SLC25A53: variants seen among roughly 807,000 people sequenced by gnomAD.
SLC25A53 encodes solute carrier family 25 member 53.
In SLC25A53, 5 loss-of-function variants were observed where a neutral mutation model predicts 15.0. The ratio of observed to expected loss-of-function variants is 0.33; its 90% CI spans 0.17 to 0.70. SLC25A53 has a LOEUF of 0.70. Among genes scored for constraint, SLC25A53 ranks in the 30% least tolerant of loss-of-function variants. The pLI, the probability that SLC25A53 is intolerant of heterozygous loss-of-function variation, is 0.67. For synonymous variants in SLC25A53, 95 were observed against 100.0 expected, an observed-to-expected ratio of 0.95 and a Z score of 0.30; for missense variants, 216 against 241.6, an observed-to-expected ratio of 0.89 and a Z score of 0.70.
At chrX:104,112,870 G>C (rs1238943373) in intron 1 of SLC25A53, 7 of 112,447 alleles carry the variant, frequency 6.2e-5, no homozygotes, top group African/African-American at 2.3e-4. Flanking sequence ...ACTGGGCGGC[G>C]CCCGGCTTGG....
Position 104,104,624 on chromosome X carries a change from C to T in SLC25A53, c.634G>A (p.Val212Ile). The T allele has an allele frequency of 8.3e-7, 1 of 1,211,734 alleles. No individual in the cohort carries two copies. Among genetic ancestry groups the T allele is most frequent in the Non-Finnish European group, 1.1e-6 (1 of 895,524 alleles). The change falls in exon 2 of 2, where the codon GTT becomes ATT. Residue 212 changes from valine (V) to isoleucine (I), a missense_variant. By Grantham distance (29) the Val-to-Ile change is conservative (BLOSUM62 3). Coordinates refer to ENST00000594199, the MANE Select transcript of SLC25A53 (RefSeq NM_001012755.5). ...GLAEQGLPHW[V>I]PALVSGSVNG... The stretch of plus-strand genomic sequence containing the variant: ...ACACTACCAGACACCAAGGCAGGAA[C>T]CCAGTGGGGCAGGCCTTGCTCTGCC...
At chrX:104,128,383 C>T (rs1329968420) in intron 1 of SLC25A53, among the ~76,000 whole-genome samples, 3 of 111,441 alleles carry the variant, frequency 2.7e-5, no homozygotes, top group African/African-American at 6.5e-5. Context: ...CACTGATTAT[C>T]GTAAATAAAA....
intron 1 of SLC25A53, among the ~76,000 whole-genome samples, chrX:104,121,892 T>TC (rs1202061091): frequency 0.03 from 541 of 17,872 alleles, 57 homozygotes; most frequent in South Asian, 0.058. Flanking sequence ...TATATATATA[T>TC]ATATATATAT....
At chrX:104,148,412 C>T (rs782447346) in intron 1 of SLC25A53, among the ~76,000 whole-genome samples, 4 of 107,049 alleles carry the variant, frequency 3.7e-5, no homozygotes, top group East Asian at 6.0e-4. Context: ...GTAACAAACC[C>T]GCACGTTGTG....
intron 1 of SLC25A53, among the ~76,000 whole-genome samples, chrX:104,109,616 T>C (rs2147864231): frequency 8.9e-6 from 1 of 112,320 alleles, no homozygotes; most frequent in South Asian, 3.7e-4. Flanking sequence ...GGACTGCTTG[T>C]TTGGAAGGCA....
At chrX:104,126,945 T>C (rs1556364516) in intron 1 of SLC25A53, among the ~76,000 whole-genome samples, 1 of 112,436 alleles carries the variant, frequency 8.9e-6, no homozygotes, top group African/African-American at 3.2e-5. Context: ...ATTCTGGCAA[T>C]TTCCTATGAG....
At position 104,111,279 on chromosome X, in the gene SLC25A53, C is replaced by T. The variant is rs781892253; in HGVS notation, c.-31-5991G>A. Among the ~76,000 whole-genome samples, 4 of 111,837 alleles carry T rather than the reference C, an allele frequency of 3.6e-5. No homozygotes were observed. The South Asian group carries it at 1.5e-3, about 42-fold the overall frequency. ...CCCAATAATCTACATTTATAACAAG[C>T]TCTCCAAAATGATTCTGAGGCAGCT... On this transcript the variant is annotated intron_variant, in intron 1 of 1. Coordinates refer to ENST00000594199, the MANE Select transcript of SLC25A53 (RefSeq NM_001012755.5).
chrX:104,110,654 A>G (rs1200727019), intron 1 of SLC25A53, among the ~76,000 whole-genome samples: 1 of 112,033 alleles, frequency 8.9e-6, no homozygotes, highest in African/African-American at 3.2e-5. Context: ...GTCAGGGAAA[A>G]ATGGAGCAGG....
At chrX:104,130,859 T>G (rs1436174208) in intron 1 of SLC25A53, 2 of 111,863 alleles carry the variant, frequency 1.8e-5, no homozygotes, top group Non-Finnish European at 3.8e-5. Context: ...GCATGTATGG[T>G]TTCCACTACT....
At chrX:104,146,474 G>A (rs1183847253) in intron 1 of SLC25A53, among the ~76,000 whole-genome samples, 2 of 111,241 alleles carry the variant, frequency 1.8e-5, no homozygotes, top group Admixed American at 9.6e-5. Flanking sequence ...GGCAGGAGAA[G>A]GAAATAAAGG....
At chrX:104,113,874 A>T in intron 1 of SLC25A53, 1 of 422,179 alleles carries the variant, frequency 2.4e-6, no homozygotes, top group Non-Finnish European at 4.0e-6. Flanking sequence ...GGGTATTGTT[A>T]AGGCACTGGG....
rs1344999286 is a variant in SLC25A53 at position 104,153,925 on chromosome X, G to A, written c.-32+2953C>T. Among the ~76,000 whole-genome samples the A allele has an allele frequency of 3.6e-5, 4 of 112,053 alleles. 1 individual carries two copies. The East Asian group carries it at 1.1e-3, about 32-fold the overall frequency. On this transcript the variant is annotated intron_variant, in intron 1 of 1. Transcript: ENST00000594199. The stretch of plus-strand genomic sequence containing the variant: ...CTAGGGAAGAAACTACAGGACACTG[G>A]TCTGGGCAATGAATTTTGGGGTTTG...
intron 1 of SLC25A53, among the ~76,000 whole-genome samples, chrX:104,120,115 T>TTAC (rs1236240241): frequency 8.0e-5 from 9 of 112,201 alleles, no homozygotes; most frequent in Non-Finnish European, 1.5e-4. Flanking sequence ...AATTATCCTT[T>TTAC]TACTGTCGGT....
intron 1 of SLC25A53, chrX:104,112,682 C>T (rs1428469759): frequency 1.8e-5 from 2 of 113,444 alleles, no homozygotes; most frequent in African/African-American, 6.4e-5. Flanking sequence ...CGGGCAGCCC[C>T]GGGTCGCTTA....
chrX:104,135,038 C>T (rs1164979287), intron 1 of SLC25A53, among the ~76,000 whole-genome samples: 1 of 111,260 alleles, frequency 9.0e-6, no homozygotes, highest in Non-Finnish European at 1.9e-5. Flanking sequence ...TCCTACCTGC[C>T]TCTAAAGTAC....
In SLC25A53 at chrX:104,104,878, A is replaced by G; in HGVS notation, c.380T>C (p.Val127Ala). 4 of 1,211,972 alleles carry G rather than the reference A, an allele frequency of 3.3e-6. No individual in the cohort carries two copies. Among genetic ancestry groups the G allele is most frequent in the Non-Finnish European group, 4.5e-6 (4 of 895,588 alleles). The change falls in exon 2 of 2, where the codon GTG (valine) becomes GCG (alanine). Residue 127 changes from valine (V) to alanine (A), a missense_variant. Coordinates refer to ENST00000594199, the MANE Select transcript of SLC25A53 (RefSeq NM_001012755.5). ...RWAAGLMSGV[V>A]EAVALSPFER... is the part of the protein sequence containing the mutation. ...AAAGGGGCTGAGTGCCACGGCCTCC[A>G]CCACGCCAGACATGAGCCCGGCAGC...
chrX:104,111,265 A>G (rs782817099), intron 1 of SLC25A53, among the ~76,000 whole-genome samples: 3 of 111,923 alleles, frequency 2.7e-5, no homozygotes, highest in Admixed American at 9.5e-5. Context: ...CCAATAATCT[A>G]CATTTATAAC....
At chrX:104,125,303 G>A (rs1556364038) in intron 1 of SLC25A53, among the ~76,000 whole-genome samples, 1 of 111,301 alleles carries the variant, frequency 9.0e-6, no homozygotes, top group East Asian at 2.8e-4. Flanking sequence ...GCAGGTACGT[G>A]GTTCTGATAC....
intron 1 of SLC25A53, among the ~76,000 whole-genome samples, chrX:104,134,798 C>T (rs1176273746): frequency 2.7e-5 from 3 of 111,671 alleles, no homozygotes; most frequent in African/African-American, 9.8e-5. Context: ...ACAGCGTCCT[C>T]CACATTGCCT....
Sources: allele counts gnomAD v4.1 joint callset (sites outside exome capture counted in the v4.1 genomes callset), GRCh38; gene constraint gnomAD v4.1.1; transcripts MANE v1.5; gene names NCBI Gene and HGNC (gene_info 2026-07-23, HGNC 2026-07-21).